Variants in CTNNA3 observed in about 807,000 individuals in gnomAD.
The protein encoded by CTNNA3 is catenin alpha-3.
A neutral mutation model predicts 95.7 loss-of-function variants in CTNNA3; 76 were observed. The ratio of observed to expected loss-of-function variants is 0.79; its 90% CI spans 0.66 to 0.96. The LOEUF (loss-of-function observed/expected upper bound fraction) is 0.96. Ranked by LOEUF, CTNNA3 falls within the 40% of genes least tolerant of loss-of-function variation. The pLI, the probability that CTNNA3 is intolerant of heterozygous loss-of-function variation, is 0.00. For synonymous variants in CTNNA3, 431 were observed against 374.4 expected, an observed-to-expected ratio of 1.15 and a Z score of -1.74; for missense variants, 1,191 against 1,089.8, an observed-to-expected ratio of 1.09 and a Z score of -1.31.
intron 5 of CTNNA3, among the ~76,000 whole-genome samples, chr10:67,352,505 T>G (rs1158963279): frequency 6.6e-6 from 1 of 151,698 alleles, no homozygotes; most frequent in African/African-American, 2.4e-5. Flanking sequence ...TACTGAAACC[T>G]AAGATCCCTT....
intron 6 of CTNNA3, 42 bp downstream of exon 6, chr10:67,219,565 T>C: frequency 1.3e-6 from 2 of 1,576,830 alleles, no homozygotes; most frequent in Non-Finnish European, 1.7e-6. Context: ...ATTATTACTG[T>C]ATTAGGACAT....
At chr10:66,811,712 T>A (rs1299996183) in intron 7 of CTNNA3, among the ~76,000 whole-genome samples, 1 of 152,168 alleles carries the variant, frequency 6.6e-6, no homozygotes, top group Non-Finnish European at 1.5e-5. Context: ...TACCATGTGC[T>A]AGGAATTGTG....
At chr10:66,975,632 G>GTCA (rs1849987886) in intron 7 of CTNNA3, among the ~76,000 whole-genome samples, 1 of 152,140 alleles carries the variant, frequency 6.6e-6, no homozygotes, top group East Asian at 1.9e-4. Context: ...TTAGTGGTTT[G>GTCA]TGTATAACTT....
intron 12 of CTNNA3, among the ~76,000 whole-genome samples, chr10:66,343,737 C>T (rs537416694): frequency 6.6e-6 from 1 of 152,122 alleles, no homozygotes; most frequent in East Asian, 1.9e-4. Flanking sequence ...ATGTTCCCAA[C>T]ACAAAGAAAC....
intron 7 of CTNNA3, among the ~76,000 whole-genome samples, chr10:66,954,769 T>C (rs1412563549): frequency 1.3e-5 from 2 of 152,152 alleles, no homozygotes; most frequent in African/African-American, 4.8e-5. Context: ...CTGCTACTTT[T>C]TCTTTTTTAA....
intron 11 of CTNNA3, among the ~76,000 whole-genome samples, chr10:66,481,145 C>T (rs976125862): frequency 9.2e-5 from 14 of 152,050 alleles, no homozygotes; most frequent in Non-Finnish European, 1.9e-4. Flanking sequence ...AGGTATATGT[C>T]TGTATATATG....
chr10:66,977,166 C>T (rs1300271710), intron 7 of CTNNA3, among the ~76,000 whole-genome samples: 4 of 152,040 alleles, frequency 2.6e-5, no homozygotes, highest in Admixed American at 1.3e-4. Context: ...TGGCCGGGCA[C>T]GGTGGCTTAC....
At chr10:66,134,826 A>G (rs1296211768) in intron 13 of CTNNA3, among the ~76,000 whole-genome samples, 2 of 129,912 alleles carry the variant, frequency 1.5e-5, no homozygotes, top group Admixed American at 1.7e-4. Flanking sequence ...AAAAATAAGA[A>G]TTGATCCTAA....
At chr10:67,236,751 G>A (rs1053766324) in intron 5 of CTNNA3, among the ~76,000 whole-genome samples, 1 of 151,600 alleles carries the variant, frequency 6.6e-6, no homozygotes, top group Non-Finnish European at 1.5e-5. Context: ...AATGATCAGG[G>A]AAATGCAAAT....
At position 66,019,752 on chromosome 10, in the gene CTNNA3, AGTG is replaced by A. The variant is rs2079163758; in HGVS notation, c.2160-30958_2160-30956del. On this transcript the variant is annotated intron_variant, in intron 15 of 17. Coordinates refer to ENST00000433211, the MANE Select transcript of CTNNA3 (RefSeq NM_013266.4). ...AAAAAAAATAGTTAAAAAATTGCTT[AGTG>A]TAGTTTGATGTTCCTGCAGCTTCAA... is the stretch of plus-strand genomic sequence containing the variant. Among the ~76,000 whole-genome samples the A allele has an allele frequency of 2.0e-5, 3 of 152,170 alleles. No individual in the cohort carries two copies. The South Asian group carries it at 6.2e-4, about 32-fold the overall frequency.
intron 5 of CTNNA3, among the ~76,000 whole-genome samples, chr10:67,313,280 A>AC: frequency 6.6e-6 from 1 of 151,642 alleles, no homozygotes. Context: ...ACTAAAAATA[A>AC]AAAAAAATAA....
chr10:66,365,341 C>T (rs974516123), intron 12 of CTNNA3, among the ~76,000 whole-genome samples: 7 of 152,006 alleles, frequency 4.6e-5, no homozygotes, highest in African/African-American at 1.7e-4. Context: ...ACAATGAGAA[C>T]ACATGGACAC....
At chr10:66,429,037 A>C (rs1368340711) in intron 11 of CTNNA3, among the ~76,000 whole-genome samples, 4 of 152,080 alleles carry the variant, frequency 2.6e-5, no homozygotes, top group Non-Finnish European at 4.4e-5. Context: ...AGAGAGAAGA[A>C]TCAAATAGAT....
At chr10:66,453,994 T>C (rs768039811) in intron 11 of CTNNA3, among the ~76,000 whole-genome samples, 11 of 152,126 alleles carry the variant, frequency 7.2e-5, no homozygotes, top group Non-Finnish European at 1.0e-4. Flanking sequence ...CTGAATTATC[T>C]GGATGGATCC....
chr10:66,419,559 CA>C (rs1161632337), intron 11 of CTNNA3, among the ~76,000 whole-genome samples: 1 of 151,910 alleles, frequency 6.6e-6, no homozygotes, highest in Non-Finnish European at 1.5e-5. Context: ...CATTTGAAAC[CA>C]AAAAATAACC....
At chr10:66,819,985 G>C (rs1205704812) in intron 7 of CTNNA3, among the ~76,000 whole-genome samples, 1 of 151,272 alleles carries the variant, frequency 6.6e-6, no homozygotes, top group Non-Finnish European at 1.5e-5. Context: ...TCCTAGGTAT[G>C]TACCAAAGAG....
At chr10:66,475,357 T>C (rs545678914) in intron 11 of CTNNA3, among the ~76,000 whole-genome samples, 5 of 152,174 alleles carry the variant, frequency 3.3e-5, no homozygotes, top group African/African-American at 4.8e-5. Flanking sequence ...ATTGGGGTCA[T>C]TTATTTTTTC....
intron 15 of CTNNA3, among the ~76,000 whole-genome samples, chr10:66,005,595 G>A (rs1424036184): frequency 6.6e-6 from 1 of 152,086 alleles, no homozygotes; most frequent in Non-Finnish European, 1.5e-5. Context: ...CACTTTATGT[G>A]TCTGGTGCTA....
At chr10:66,588,518 C>G (rs1843437755) in intron 10 of CTNNA3, among the ~76,000 whole-genome samples, 1 of 152,126 alleles carries the variant, frequency 6.6e-6, no homozygotes, top group Admixed American at 6.5e-5. Flanking sequence ...ACACCTGCAA[C>G]TTAGCATGCT....
Sources: gnomAD v4.1 joint callset for allele counts (sites outside exome capture counted in the v4.1 genomes callset) on GRCh38, gnomAD v4.1.1 for gene constraint, MANE v1.5 for transcripts, NCBI Gene and HGNC (gene_info 2026-07-23, HGNC 2026-07-21) for gene names.